The following FAM135B variants were observed in gnomAD, a reference collection of about 807,000 sequenced individuals.
FAM135B encodes the protein family with sequence similarity 135 member B.
In FAM135B, 43 loss-of-function variants were observed where a neutral mutation model predicts 127.7. The observed-to-expected ratio is 0.34, with a 90% CI of 0.26 to 0.43. The LOEUF (loss-of-function observed/expected upper bound fraction) is 0.43, where lower values mean the gene tolerates loss of function less well. Among genes scored for constraint, FAM135B ranks in the 20% least tolerant of loss-of-function variants. The pLI is 1.00. For synonymous variants in FAM135B, 670 were observed against 665.1 expected (o/e 1.01, Z -0.11); for missense variants, 1,558 against 1,725.6 (o/e 0.90, Z 1.72).
chr8:138,401,290 T>C (rs1332868891), intron 1 of FAM135B, among the ~76,000 whole-genome samples: 1 of 152,214 alleles, frequency 6.6e-6, no homozygotes, highest in African/African-American at 2.4e-5. Context: ...GGTTATTACC[T>C]GGACTGATTG....
chr8:138,475,193 T>C (rs1814347882), intron 1 of FAM135B, among the ~76,000 whole-genome samples: 1 of 152,176 alleles, frequency 6.6e-6, no homozygotes, highest in South Asian at 2.1e-4. Context: ...CCAAACTTTG[T>C]GCAAGACTCT....
intron 1 of FAM135B, among the ~76,000 whole-genome samples, chr8:138,393,414 A>G (rs1464811853): frequency 3.3e-5 from 5 of 152,108 alleles, no homozygotes; most frequent in Admixed American, 2.0e-4. Flanking sequence ...CATTTATGTC[A>G]GTCTCCAAGG....
At chr8:138,427,184 A>G (rs185749407) in intron 1 of FAM135B, among the ~76,000 whole-genome samples, 2,838 of 151,654 alleles carry the variant, frequency 0.019, 81 homozygotes, top group African/African-American at 0.064. Flanking sequence ...CAGGAACAAA[A>G]GGGAGTTTTG....
At chr8:138,174,091 C>T (rs766646084) in intron 11 of FAM135B, among the ~76,000 whole-genome samples, 3 of 152,264 alleles carry the variant, frequency 2.0e-5, no homozygotes, top group Middle Eastern at 3.4e-3. Context: ...TTCCTCATAC[C>T]ATCTATTCTG....
chr8:138,167,827 C>G (rs2130897720), intron 12 of FAM135B, 68 bp downstream of exon 12: 1 of 1,494,402 alleles, frequency 6.7e-7, no homozygotes, highest in Non-Finnish European at 9.0e-7. Flanking sequence ...TATAAACAAA[C>G]TGTGCCATTG....
At chr8:138,421,388 T>C (rs1834500967) in intron 1 of FAM135B, among the ~76,000 whole-genome samples, 1 of 152,186 alleles carries the variant, frequency 6.6e-6, no homozygotes, top group African/African-American at 2.4e-5. Flanking sequence ...TTTACACCTA[T>C]AAAATCCCGT....
rs201634775 is a variant in FAM135B, at chr8:138,152,607, T to C, written c.1868A>G (p.Asp623Gly). 429 of 1,614,068 alleles carry C rather than the reference T, an allele frequency of 2.7e-4. No individual in the cohort carries two copies. Among genetic ancestry groups the C allele is most frequent in the Admixed American group, 6.7e-5 (4 of 60,004 alleles). The change falls in exon 13 of 20, where the codon GAT (aspartate) becomes GGT (glycine). Residue 623 changes from aspartate to glycine, a missense_variant. Asp to Gly is a moderately conservative substitution (Grantham distance 94, BLOSUM62 -1). Transcript: ENST00000395297. ...HELSTLGKGI[D>G]QEGKMVLLSL... Reference sequence around the variant, plus strand: ...TAGCAGCACCATCTTCCCCTCTTGATCTATTCCCTTTCCTAGAGTACTTAA... The same window carrying C: ...TAGCAGCACCATCTTCCCCTCTTGACCTATTCCCTTTCCTAGAGTACTTAA...
intron 4 of FAM135B, among the ~76,000 whole-genome samples, chr8:138,263,192 T>C (rs189383068): frequency 1.3e-5 from 2 of 152,252 alleles, no homozygotes; most frequent in Admixed American, 1.3e-4. Context: ...CCGGTGTAAA[T>C]GTTTTCATCA....
At chr8:138,456,098 A>G (rs1370063283) in intron 1 of FAM135B, among the ~76,000 whole-genome samples, 1 of 152,238 alleles carries the variant, frequency 6.6e-6, no homozygotes, top group African/African-American at 2.4e-5. Flanking sequence ...GACTGAGTGA[A>G]CAAGTCACCA....
intron 2 of FAM135B, among the ~76,000 whole-genome samples, chr8:138,329,106 C>T (rs907959064): frequency 6.6e-6 from 1 of 151,842 alleles, no homozygotes; most frequent in South Asian, 2.1e-4. Context: ...CATAGGTGAT[C>T]GATTGAAAAG....
intron 6 of FAM135B, among the ~76,000 whole-genome samples, chr8:138,245,992 A>T (rs554749453): frequency 5.3e-5 from 8 of 152,292 alleles, no homozygotes; most frequent in Admixed American, 3.3e-4. Flanking sequence ...TGGAACAAAG[A>T]TGATTCTTGC....
At chr8:138,463,304 G>A (rs1349526681) in intron 1 of FAM135B, among the ~76,000 whole-genome samples, 1 of 152,182 alleles carries the variant, frequency 6.6e-6, no homozygotes, top group African/African-American at 2.4e-5. Context: ...AACACACACA[G>A]TTAGAGCAGT....
At chr8:138,304,940 C>G (rs949965103) in intron 3 of FAM135B, among the ~76,000 whole-genome samples, 1 of 152,218 alleles carries the variant, frequency 6.6e-6, no homozygotes, top group Non-Finnish European at 1.5e-5. Context: ...GGCCACTCTG[C>G]CACCCACCCT....
chr8:138,240,904 A>G (rs764390488), intron 7 of FAM135B, among the ~76,000 whole-genome samples: 27 of 152,134 alleles, frequency 1.8e-4, no homozygotes, highest in Non-Finnish European at 3.4e-4. Flanking sequence ...GACCACTGAC[A>G]TTCCCTAACG....
At chr8:138,218,606 C>T (rs1818756052) in intron 7 of FAM135B, among the ~76,000 whole-genome samples, 1 of 152,056 alleles carries the variant, frequency 6.6e-6, no homozygotes, top group Admixed American at 6.6e-5. Flanking sequence ...ATGATGTTTG[C>T]AAAAACTGAA....
intron 1 of FAM135B, among the ~76,000 whole-genome samples, chr8:138,408,794 C>G (rs905098035): frequency 2.0e-5 from 3 of 152,054 alleles, no homozygotes; most frequent in African/African-American, 7.2e-5. Context: ...GGGGAAATCA[C>G]CCCCATGATC....
chr8:138,464,900 GC>G (rs1837309013), intron 1 of FAM135B, among the ~76,000 whole-genome samples: 1 of 152,164 alleles, frequency 6.6e-6, no homozygotes, highest in African/African-American at 2.4e-5. Flanking sequence ...AATTTACCTG[GC>G]CATATTTTAA....
At chr8:138,288,159 T>C (rs1225972437) in intron 3 of FAM135B, among the ~76,000 whole-genome samples, 2 of 152,092 alleles carry the variant, frequency 1.3e-5, no homozygotes, top group African/African-American at 4.8e-5. Context: ...GGGAAACCAA[T>C]AAGGTTTGTT....
intron 1 of FAM135B, among the ~76,000 whole-genome samples, chr8:138,494,875 G>A (rs1170667178): frequency 6.6e-6 from 1 of 151,152 alleles, no homozygotes; most frequent in Non-Finnish European, 1.5e-5. Context: ...ATTGTGAGCA[G>A]GCCTCACTGT....
Sources: gnomAD v4.1 joint callset for allele counts (sites outside exome capture counted in the v4.1 genomes callset) on GRCh38, gnomAD v4.1.1 for gene constraint, MANE v1.5 for transcripts, NCBI Gene and HGNC (gene_info 2026-07-23, HGNC 2026-07-21) for gene names.